Variants in USH2A observed in about 807,000 individuals in gnomAD.
USH2A encodes Usher syndrome 2A (autosomal recessive, mild).
USH2A carries 443 observed loss-of-function variants against 538.9 expected under a neutral mutation model. The ratio of observed to expected loss-of-function variants is 0.82; its 90% confidence interval spans 0.76 to 0.89. The LOEUF (loss-of-function observed/expected upper bound fraction) is 0.89. USH2A is among the 40% of genes least tolerant of loss of function. USH2A has a pLI of 0.00. For synonymous variants in USH2A, 2,413 were observed against 2,273.5 expected, an observed-to-expected ratio of 1.06 and a Z score of -1.75; for missense variants, 6,633 against 6,324.8, an observed-to-expected ratio of 1.05 and a Z score of -1.65.
chr1:216,407,798 T>G (rs2039420262), intron 3 of USH2A, among the ~76,000 whole-genome samples: 1 of 152,122 alleles, frequency 6.6e-6, no homozygotes, highest in Non-Finnish European at 1.5e-5. Flanking sequence ...GGCTTTTAGG[T>G]GAAAATGATA....
At chr1:215,638,685 T>C (rs955006300) in intron 69 of USH2A, among the ~76,000 whole-genome samples, 2 of 150,790 alleles carry the variant, frequency 1.3e-5, no homozygotes, top group Admixed American at 6.6e-5. Context: ...GAGGACTTTT[T>C]AAAAAATTTC....
At chr1:216,069,571 T>C (rs2031489982) in intron 30 of USH2A, among the ~76,000 whole-genome samples, 1 of 152,188 alleles carries the variant, frequency 6.6e-6, no homozygotes, top group South Asian at 2.1e-4. Context: ...GATGTGTTAG[T>C]GGTGTGTATG....
At chr1:215,941,001 T>C (rs1187741462) in intron 37 of USH2A, among the ~76,000 whole-genome samples, 1 of 152,152 alleles carries the variant, frequency 6.6e-6, no homozygotes, top group Non-Finnish European at 1.5e-5. Flanking sequence ...TAGGCACAAT[T>C]ACTGTTCTAA....
At chr1:216,406,792 C>T (rs552878730) in intron 3 of USH2A, among the ~76,000 whole-genome samples, 141 of 152,220 alleles carry the variant, frequency 9.3e-4, no homozygotes, top group Middle Eastern at 6.8e-3. Context: ...CTGAACACCA[C>T]CCCTTTTTAT....
chr1:215,664,018 G>A (rs138066323), intron 64 of USH2A, among the ~76,000 whole-genome samples: 23 of 152,240 alleles, frequency 1.5e-4, no homozygotes, highest in African/African-American at 5.3e-4. Flanking sequence ...TACATCATCC[G>A]AGTCCTGCAT....
chr1:215,973,940 TCACACACACACACA>T (rs140368318), intron 35 of USH2A, among the ~76,000 whole-genome samples: 3 of 146,288 alleles, frequency 2.1e-5, no homozygotes, highest in African/African-American at 5.1e-5. Flanking sequence ...ATAGGTGAGA[TCACACACACACACA>T]CACACACACA....
chr1:216,337,577 G>GA (rs1400239755), intron 4 of USH2A, among the ~76,000 whole-genome samples: 1 of 151,278 alleles, frequency 6.6e-6, no homozygotes, highest in Non-Finnish European at 1.5e-5. Context: ...TTATTTAAAG[G>GA]AAAAAATGTA....
At chr1:216,179,637 G>C (rs751664541) in intron 20 of USH2A, among the ~76,000 whole-genome samples, 1 of 152,066 alleles carries the variant, frequency 6.6e-6, no homozygotes, top group Non-Finnish European at 1.5e-5. Flanking sequence ...TCTAAGGCTG[G>C]AAGGGGGAAT....
At chr1:215,672,274 T>C (rs1657841071) in intron 63 of USH2A, among the ~76,000 whole-genome samples, 1 of 152,210 alleles carries the variant, frequency 6.6e-6, no homozygotes, top group Non-Finnish European at 1.5e-5. Context: ...CTTTTAGTTC[T>C]AGCCTTTTCC....
At chr1:215,869,026 G>A (rs2102442493) in intron 43 of USH2A, among the ~76,000 whole-genome samples, 1 of 152,344 alleles carries the variant, frequency 6.6e-6, no homozygotes, top group Admixed American at 6.5e-5. Context: ...TTTTTAGCAA[G>A]TGCTGAATAG....
intron 11 of USH2A, among the ~76,000 whole-genome samples, chr1:216,271,424 A>C (rs1043691012): frequency 2.7e-4 from 41 of 152,112 alleles, no homozygotes; most frequent in African/African-American, 9.9e-4. Context: ...GATGCTTGCC[A>C]AGCAATTTTT....
chr1:216,293,021 CTT>C (rs1198460233), intron 9 of USH2A, among the ~76,000 whole-genome samples: 7 of 126,288 alleles, frequency 5.5e-5, no homozygotes, highest in African/African-American at 9.0e-5. Context: ...ACACAAGCAT[CTT>C]TTTTTTTTTT....
At chr1:215,781,128 A>T (rs1661622959) in intron 54 of USH2A, among the ~76,000 whole-genome samples, 1 of 152,018 alleles carries the variant, frequency 6.6e-6, no homozygotes, top group South Asian at 2.1e-4. Flanking sequence ...CATCATCCAC[A>T]ATATTCCATA....
chr1:216,305,638 T>A (rs1261418619), intron 9 of USH2A, among the ~76,000 whole-genome samples: 1 of 152,182 alleles, frequency 6.6e-6, no homozygotes, highest in Non-Finnish European at 1.5e-5. Flanking sequence ...GGTTGTATTC[T>A]GGTGTATTTC....
chr1:215,671,285 A>T lies in USH2A; in HGVS notation c.13820T>A (p.Ile4607Lys), dbSNP rs764431065. The T allele has an allele frequency of 6.2e-7, 1 of 1,613,970 alleles. No homozygotes were observed. Among genetic ancestry groups the T allele is most frequent in the South Asian group, 1.1e-5 (1 of 91,082 alleles). The change falls in exon 64 of 72, where the codon ATA becomes AAA. Residue 4607 changes from isoleucine to lysine, a missense_variant. By Grantham distance (102) the Ile-to-Lys change is moderately radical. Transcript: ENST00000307340. The part of the protein sequence containing the change: ...NQLKPFHRYE[I>K]RIQACTTLGC... ...CAGGGTGGTGCACGCTTGAATTCGTATTTCATACCTTCAGGACATAAGGCA... is the reference window on the plus strand; with the variant it reads ...CAGGGTGGTGCACGCTTGAATTCGTTTTTCATACCTTCAGGACATAAGGCA...
At chr1:216,202,791 A>G (rs1307016232) in intron 16 of USH2A, among the ~76,000 whole-genome samples, 1 of 152,152 alleles carries the variant, frequency 6.6e-6, no homozygotes, top group Non-Finnish European at 1.5e-5. Context: ...TATCTGGCTA[A>G]TTCAGCTTAT....
chr1:215,768,636 C>T (rs905740274), intron 55 of USH2A, among the ~76,000 whole-genome samples: 5 of 152,132 alleles, frequency 3.3e-5, no homozygotes, highest in Non-Finnish European at 4.4e-5. Context: ...TTGATAAAAG[C>T]TCATCGGAAA....
chr1:216,257,836 G>A (rs530763098), intron 11 of USH2A, among the ~76,000 whole-genome samples: 1 of 151,962 alleles, frequency 6.6e-6, no homozygotes. Context: ...TATGTTTAAT[G>A]TATAATCAAT....
chr1:216,286,608 T>C (rs570472729), intron 11 of USH2A, among the ~76,000 whole-genome samples: 8 of 152,084 alleles, frequency 5.3e-5, no homozygotes, highest in Admixed American at 5.2e-4. Flanking sequence ...TCTGCAATCC[T>C]AGCTGTTCAG....
Sources: allele counts gnomAD v4.1 joint callset (sites outside exome capture counted in the v4.1 genomes callset), GRCh38; gene constraint gnomAD v4.1.1; transcripts MANE v1.5; gene names NCBI Gene and HGNC (gene_info 2026-07-23, HGNC 2026-07-21).